TRIM46: variants seen among roughly 807,000 people sequenced by gnomAD.
TRIM46 encodes the protein tripartite motif containing 46, also known as tripartite motif-containing protein 46.
Under a neutral mutation model 69.7 loss-of-function variants are expected in TRIM46, and 17 were observed. The observed-to-expected ratio is 0.24, with a 90% CI of 0.17 to 0.37. The LOEUF (loss-of-function observed/expected upper bound fraction) is 0.37, where lower values mean the gene tolerates loss of function less well. Ranked by LOEUF, TRIM46 falls within the 10% of genes least tolerant of loss-of-function variation. The probability of loss-of-function intolerance (pLI) is 1.00; values close to 1 mark genes in which losing one functional copy is unlikely to be tolerated. For synonymous variants in TRIM46, 391 were observed against 429.0 expected (o/e 0.91, Z 1.09); for missense variants, 675 against 1,025.1 (o/e 0.66, Z 4.66).
chr1:155,180,074 C>A, intron 8 of TRIM46, 140 bp downstream of exon 8: 1 of 1,039,110 alleles, frequency 9.6e-7, no homozygotes, highest in Non-Finnish European at 1.3e-6. Flanking sequence ...AGCTAGACTG[C>A]TTGGGTTCAA....
chr1:155,182,588 C>T (rs1178789010), intron 9 of TRIM46: 1 of 215,042 alleles, frequency 4.7e-6, no homozygotes, highest in Non-Finnish European at 9.2e-6. Context: ...CGCCTGTAAT[C>T]CCAGCACTTT....
chr1:155,176,162 C>G lies in TRIM46; in HGVS notation c.600C>G (p.Leu200=), dbSNP rs370311005. The change falls in exon 3 of 10, where the codon CTC becomes CTG. Residue 200 remains leucine (L), a synonymous_variant. Coordinates refer to ENST00000334634, the MANE Select transcript of TRIM46 (RefSeq NM_025058.5). The part of the protein sequence containing the change: ...RATFCNECFK[L]FHPWGTQKAQ... ...CCTTCTGCAATGAGTGCTTCAAGCT[C>G]TTCCACCCCTGGGGCACCCAGAAGG... The G allele has an allele frequency of 8.1e-6, 13 of 1,613,446 alleles. No homozygotes were observed. The African/African-American group carries it at 1.3e-4, about 17-fold the overall frequency.
chr1:155,184,230 G>A lies in TRIM46; in HGVS notation c.*40G>A. ...TCATGCAGACCTGGGGTCCTCCTGGGCCCTGGCCCCCAAACCTCTTGGCAC... is the reference window on the plus strand; with the variant it reads ...TCATGCAGACCTGGGGTCCTCCTGGACCCTGGCCCCCAAACCTCTTGGCAC... On this transcript the variant is annotated 3_prime_UTR_variant, in exon 10 of 10. Transcript: ENST00000334634. This position sits in a 1 kb window ranked among gnomAD's most constrained non-coding sequence, Gnocchi z 5.6. 2 of 1,524,442 alleles carry A rather than the reference G, an allele frequency of 1.3e-6. No homozygotes were observed. Among genetic ancestry groups the A allele is most frequent in the African/African-American group, 2.8e-5 (2 of 72,076 alleles). 94.4% of individuals were successfully genotyped at this position (1,524,442 alleles called of 1,614,324 possible). A position where few individuals can be genotyped will look rare whatever the true frequency, so the allele number is the denominator to read the frequency against.
At chr1:155,183,189 C>T (rs1320606554) in intron 9 of TRIM46, among the ~76,000 whole-genome samples, 15 of 152,012 alleles carry the variant, frequency 9.9e-5, no homozygotes, top group African/African-American at 3.4e-4. Context: ...GGATTACAGG[C>T]GTGAGCCACT....
In TRIM46 at chr1:155,184,294, C is replaced by A; in HGVS notation, c.*104C>A. The A allele has an allele frequency of 7.9e-7, 1 of 1,262,512 alleles. No homozygotes were observed. Among genetic ancestry groups the A allele is most frequent in the Non-Finnish European group, 1.1e-6 (1 of 938,766 alleles). 78.2% of individuals were successfully genotyped at this position (1,262,512 alleles called of 1,614,324 possible). A position where few individuals can be genotyped will look rare whatever the true frequency, so the allele number is the denominator to read the frequency against. Reference sequence around the variant, plus strand: ...CCTGGCAGCTTCTCCCCCAAACTCTCCTACCATGTGGCCCTGCTCCTTCTC... The same window carrying A: ...CCTGGCAGCTTCTCCCCCAAACTCTACTACCATGTGGCCCTGCTCCTTCTC... On this transcript the variant is annotated 3_prime_UTR_variant, in exon 10 of 10. Coordinates refer to ENST00000334634, the MANE Select transcript of TRIM46 (RefSeq NM_025058.5). This position sits in a 1 kb window ranked among gnomAD's most constrained non-coding sequence, Gnocchi z 5.6.
intron 8 of TRIM46, among the ~76,000 whole-genome samples, chr1:155,180,972 C>T (rs1343623815): frequency 1.3e-5 from 2 of 151,930 alleles, no homozygotes; most frequent in African/African-American, 4.8e-5. Context: ...CAGTGGCTCA[C>T]GCCTGTAATC....
chr1:155,176,216 C>T lies in TRIM46; in HGVS notation c.654C>T (p.Leu218=). 1.9e-6 allele frequency: 3 copies of T among 1,603,052 alleles called. No individual in the cohort carries two copies. The highest frequency in any genetic ancestry group is 1.7e-4 in the Middle Eastern group (1 of 6,030). ...AGCATGAGCCCACCCTGCCTACCCT[C>T]TCCTTCCGACCCAAGGTGAGCCAGC... ...KAQHEPTLPT[L]SFRPKGLMCP... is the part of the protein sequence containing the mutation. Residue 218 remains leucine, a synonymous_variant, in exon 3 of 10, where the codon CTC becomes CTT. Coordinates refer to ENST00000334634, the MANE Select transcript of TRIM46 (RefSeq NM_025058.5).
rs1166148709 is a variant in TRIM46, at chr1:155,176,105, G to A, written c.543G>A (p.Glu181=). 4 of 1,614,028 alleles carry A rather than the reference G, an allele frequency of 2.5e-6. No homozygotes were observed. In the East Asian group the frequency reaches 6.7e-5, roughly 27 times the overall value. Residue 181 remains glutamate (E), a synonymous_variant, in exon 3 of 10, where the codon GAG becomes GAA. Coordinates refer to ENST00000334634, the MANE Select transcript of TRIM46 (RefSeq NM_025058.5). ...LCQLCKPPPL[E]ATKGCTECRA... ...AGTTGTGCAAGCCCCCACCACTAGA[G>A]GCCACCAAGGGCTGCACAGAGTGCC... is the stretch of plus-strand genomic sequence containing the variant.
chr1:155,177,896 C>CT, intron 5 of TRIM46, 106 bp from the exon 6 acceptor site: 9 of 1,485,484 alleles, frequency 6.1e-6, no homozygotes, highest in Non-Finnish European at 8.2e-6. Context: ...CCCCAGATCC[C>CT]TTGTGACCTT....
In TRIM46 at chr1:155,175,710, A is replaced by T; in HGVS notation, c.325+63A>T. The stretch of plus-strand genomic sequence containing the variant: ...GAGCTATTCATCAGGAAGATGGAAG[A>T]AGTCCATCACTGGTCAGAGGCATCT... On this transcript the variant is annotated intron_variant, in intron 2 of 9. Transcript: ENST00000334634. The surrounding 1 kb of genome is among the most constrained non-coding windows in gnomAD (Gnocchi z 4.2). The T allele has an allele frequency of 6.2e-7, 1 of 1,607,374 alleles. No individual in the cohort carries two copies. The highest frequency in any genetic ancestry group is 8.5e-7 in the Non-Finnish European group (1 of 1,176,888).
At position 155,175,662 on chromosome 1, in the gene TRIM46, T is replaced by C; in HGVS notation, c.325+15T>C. 6.2e-7 allele frequency: 1 copy of C among 1,613,218 alleles called. No homozygotes were observed. On this transcript the variant is annotated intron_variant, in intron 2 of 9. Coordinates refer to ENST00000334634, the MANE Select transcript of TRIM46 (RefSeq NM_025058.5). The surrounding 1 kb of genome is among the most constrained non-coding windows in gnomAD (Gnocchi z 4.2). ...GCTTAAGTCAGGTGGGACTGGGGCC[T>C]GTAGGGTGGGGATGGGAACGCTGAG... is the stretch of plus-strand genomic sequence containing the variant.
chr1:155,184,270 C>T lies in TRIM46; in HGVS notation c.*80C>T, dbSNP rs947262472. ...CCTCTTGGCACCCGGTTGTTACCCCCTGGCAGCTTCTCCCCCAAACTCTCC... is the reference window on the plus strand; with the variant it reads ...CCTCTTGGCACCCGGTTGTTACCCCTTGGCAGCTTCTCCCCCAAACTCTCC... On this transcript the variant is annotated 3_prime_UTR_variant, in exon 10 of 10. Coordinates refer to ENST00000334634, the MANE Select transcript of TRIM46 (RefSeq NM_025058.5). This position sits in a 1 kb window ranked among gnomAD's most constrained non-coding sequence, Gnocchi z 5.6. 1.4e-6 allele frequency: 2 copies of T among 1,402,408 alleles called. No homozygotes were observed. Among genetic ancestry groups the T allele is most frequent in the African/African-American group, 1.4e-5 (1 of 69,118 alleles). The allele number at this position is 1,402,408 out of a possible 1,614,324, so 86.9% of individuals were successfully genotyped here. A position where few individuals can be genotyped will look rare whatever the true frequency, so the allele number is the denominator to read the frequency against.
At chr1:155,180,513 T>C in intron 8 of TRIM46, 1 of 385,858 alleles carries the variant, frequency 2.6e-6, no homozygotes. Flanking sequence ...GAGAATCGCT[T>C]GAACCTGGGA....
chr1:155,183,124 A>C lies in TRIM46; in HGVS notation c.1887-673A>C, dbSNP rs558427987. On this transcript the variant is annotated intron_variant, in intron 9 of 9. Transcript: ENST00000334634. The stretch of plus-strand genomic sequence containing the variant: ...ACGGGCTTTCACCGTGTTAGCCAGG[A>C]TGGTCTCAATCTCCTGACCTCGTGA... Among the ~76,000 whole-genome samples the C allele has an allele frequency of 1.9e-4, 29 of 151,866 alleles. 1 individual carries two copies. Among genetic ancestry groups the C allele is most frequent in the South Asian group, 1.2e-3 (6 of 4,802 alleles).
chr1:155,178,739 T>TGGGGCCCCCCCCCC, intron 7 of TRIM46, 126 bp downstream of exon 7: 2 of 1,348,466 alleles, frequency 1.5e-6, no homozygotes, highest in South Asian at 1.3e-5. Context: ...CAGCCATTCC[T>TGGGGCCCCCCCCCC]CCCACCCAGC....
chr1:155,174,517 C>T (rs1338369494), intron 1 of TRIM46: 9 of 1,444,528 alleles, frequency 6.2e-6, no homozygotes, highest in African/African-American at 1.4e-5. Flanking sequence ...GCAACCCGTG[C>T]CTGGCTCTCC....
rs202063546 is a variant in TRIM46, at chr1:155,181,876, G to A, written c.1613G>A (p.Arg538His). The change falls in exon 9 of 10, where the codon CGC (arginine) becomes CAC (histidine). Residue 538 changes from arginine (R) to histidine (H), a missense_variant. By Grantham distance (29) the Arg-to-His change is conservative. Around this residue, in one of 5 missense-constraint regions of TRIM46, gnomAD observed 361 missense variants for 498.3 expected, o/e 0.72. Transcript: ENST00000334634. This position sits in a 1 kb window ranked among gnomAD's most constrained non-coding sequence, Gnocchi z 4.3. ...GTCCTGCACTTCTTCCTCGATAGCC[G>A]CTGGGGCGCAAGCCGAGAGCGGCTG... ...APVLHFFLDS[R>H]WGASRERLAI... 9.3e-6 allele frequency: 15 copies of A among 1,612,272 alleles called. No individual in the cohort carries two copies. The highest frequency in any genetic ancestry group is 5.3e-5 in the African/African-American group (4 of 74,914).
At chr1:155,174,144 C>A in intron 1 of TRIM46, 115 bp downstream of exon 1, 1 of 1,235,680 alleles carries the variant, frequency 8.1e-7, no homozygotes, top group Admixed American at 2.0e-5. Context: ...AGGGGGCTAG[C>A]GATGGCAGAA....
intron 7 of TRIM46, 110 bp downstream of exon 7, chr1:155,178,723 C>G: frequency 6.5e-7 from 1 of 1,533,976 alleles, no homozygotes; most frequent in Non-Finnish European, 8.7e-7. Context: ...TCCTGCCCGG[C>G]CTGGCCAGCC....
Sources: gnomAD v4.1 joint callset for allele counts (sites outside exome capture counted in the v4.1 genomes callset) on GRCh38, gnomAD v4.1.1 for gene constraint, gnomAD v4.1.1 regional missense constraint, Gnocchi (gnomAD v3.1) non-coding constraint, MANE v1.5 for transcripts, NCBI Gene and HGNC (gene_info 2026-07-23, HGNC 2026-07-21) for gene names.